Variants in ASTN2 observed in about 807,000 individuals in gnomAD.
ASTN2 encodes astrotactin-2.
A neutral mutation model predicts 139.8 loss-of-function variants in ASTN2; 54 were observed. The ratio of observed to expected loss-of-function variants is 0.39; its 90% CI spans 0.31 to 0.48. The LOEUF is 0.48. ASTN2 is among the 20% of genes least tolerant of loss of function. The probability of loss-of-function intolerance (pLI) is 0.95; values close to 1 mark genes in which losing one functional copy is unlikely to be tolerated. For synonymous variants in ASTN2, 756 were observed against 719.5 expected (o/e 1.05, Z -0.81); for missense variants, 1,565 against 1,725.1 (o/e 0.91, Z 1.64).
intron 5 of ASTN2, among the ~76,000 whole-genome samples, chr9:117,091,263 T>G (rs1828698459): frequency 6.6e-6 from 1 of 152,192 alleles, no homozygotes; most frequent in South Asian, 2.1e-4. Flanking sequence ...CTTTCAAACA[T>G]TCACTCATCA....
chr9:117,252,472 C>T (rs932227811), intron 2 of ASTN2, among the ~76,000 whole-genome samples: 14 of 152,298 alleles, frequency 9.2e-5, no homozygotes, highest in African/African-American at 2.6e-4. Context: ...GTGCCAGACA[C>T]GCACTACCAC....
chr9:117,166,904 C>T (rs1167389178), intron 3 of ASTN2, among the ~76,000 whole-genome samples: 1 of 152,080 alleles, frequency 6.6e-6, no homozygotes, highest in Non-Finnish European at 1.5e-5. Flanking sequence ...TCAGTTTCCT[C>T]AAAGGGATAA....
At chr9:116,728,354 G>T (rs183445274) in intron 15 of ASTN2, among the ~76,000 whole-genome samples, 1 of 151,924 alleles carries the variant, frequency 6.6e-6, no homozygotes, top group South Asian at 2.1e-4. Flanking sequence ...AACGGGGGAG[G>T]CATCACAGAG....
At chr9:116,464,463 T>C (rs1265475746) in intron 20 of ASTN2, among the ~76,000 whole-genome samples, 2 of 152,214 alleles carry the variant, frequency 1.3e-5, no homozygotes, top group Non-Finnish European at 2.9e-5. Context: ...CCTGGAATCA[T>C]TGTAAAATAC....
At chr9:117,267,668 T>C (rs1405787852) in intron 2 of ASTN2, among the ~76,000 whole-genome samples, 1 of 152,170 alleles carries the variant, frequency 6.6e-6, no homozygotes, top group East Asian at 1.9e-4. Context: ...CTCCTCCCAA[T>C]GGTGTGGTTA....
At chr9:116,827,604 T>A (rs1169530593) in intron 11 of ASTN2, among the ~76,000 whole-genome samples, 1 of 152,142 alleles carries the variant, frequency 6.6e-6, no homozygotes, top group Non-Finnish European at 1.5e-5. Context: ...TTATGAAGAC[T>A]ATTATGTTCA....
At position 117,259,313 on chromosome 9, in the gene ASTN2, T is replaced by C. The variant is rs533709204; in HGVS notation, c.630+32013A>G. On this transcript the variant is annotated intron_variant, in intron 2 of 22. Coordinates refer to ENST00000313400, the MANE Select transcript of ASTN2 (RefSeq NM_001365068.1). ...ACCAATGTATAAGCCAAAAATAAAA[T>C]TCTAAGGCCCCCCTCAACCATCTGA... 7.5e-4 allele frequency among the ~76,000 whole-genome samples: 114 copies of C among 152,216 alleles called. 2 individuals are homozygous for C. The East Asian group carries it at 0.021, about 28-fold the overall frequency.
intron 3 of ASTN2, among the ~76,000 whole-genome samples, chr9:117,189,791 G>A (rs1046697250): frequency 6.6e-6 from 1 of 152,148 alleles, no homozygotes; most frequent in African/African-American, 2.4e-5. Context: ...TCTGCTGCCA[G>A]CCTCTGCCTG....
intron 6 of ASTN2, among the ~76,000 whole-genome samples, chr9:117,021,919 G>T (rs1837895090): frequency 6.6e-6 from 1 of 152,128 alleles, no homozygotes; most frequent in Non-Finnish European, 1.5e-5. Flanking sequence ...ATATTTGATA[G>T]TTCTACTGTG....
intron 19 of ASTN2, among the ~76,000 whole-genome samples, chr9:116,526,064 C>T (rs1208956922): frequency 6.6e-6 from 1 of 152,160 alleles, no homozygotes; most frequent in Admixed American, 6.6e-5. Context: ...GCCATCTTCT[C>T]TAGGAAGACC....
chr9:116,939,890 C>T (rs1217023079), intron 10 of ASTN2, among the ~76,000 whole-genome samples: 1 of 152,184 alleles, frequency 6.6e-6, no homozygotes, highest in Non-Finnish European at 1.5e-5. Flanking sequence ...GACAACAGAG[C>T]TGAAAAATTC....
At chr9:116,801,274 A>G (rs960594092) in intron 13 of ASTN2, among the ~76,000 whole-genome samples, 1 of 152,164 alleles carries the variant, frequency 6.6e-6, no homozygotes, top group Non-Finnish European at 1.5e-5. Context: ...GAGCTCAGGA[A>G]GGGAGACTTG....
intron 16 of ASTN2, chr9:116,687,209 C>G (rs537592373): frequency 9.9e-7 from 1 of 1,008,488 alleles, no homozygotes; most frequent in Admixed American, 5.2e-5. Context: ...TTGCCCCGCG[C>G]GCTTGGGGCC....
chr9:116,808,320 T>C (rs559965357), intron 12 of ASTN2, among the ~76,000 whole-genome samples: 4 of 151,992 alleles, frequency 2.6e-5, no homozygotes, highest in African/African-American at 4.8e-5. Context: ...TGTGTTTGTG[T>C]ATACAGAAAC....
intron 3 of ASTN2, among the ~76,000 whole-genome samples, chr9:117,177,826 A>T (rs960970003): frequency 2.0e-5 from 3 of 152,066 alleles, no homozygotes; most frequent in Non-Finnish European, 4.4e-5. Flanking sequence ...GTGGCCTCTA[A>T]TCCTCCATGC....
In ASTN2 at chr9:117,325,961, G is replaced by A. The variant is rs1397916858; in HGVS notation, c.443-34448C>T. Among the ~76,000 whole-genome samples, 5 of 152,200 alleles carry A rather than the reference G, an allele frequency of 3.3e-5. No individual in the cohort carries two copies. In the East Asian group the frequency reaches 9.7e-4, roughly 30 times the overall value. ...ACATGCCTGATGACAAATGACAACT[G>A]ACACTTGGCCTTAGGGAGTTACCCT... On this transcript the variant is annotated intron_variant, in intron 1 of 22. Transcript: ENST00000313400.
At chr9:116,558,697 T>C (rs1852757272) in intron 19 of ASTN2, among the ~76,000 whole-genome samples, 1 of 152,200 alleles carries the variant, frequency 6.6e-6, no homozygotes, top group African/African-American at 2.4e-5. Flanking sequence ...TCTCAGACCA[T>C]TCAGCTCATC....
chr9:117,140,399 A>G (rs1174689332), intron 4 of ASTN2, among the ~76,000 whole-genome samples: 1 of 152,154 alleles, frequency 6.6e-6, no homozygotes, highest in Admixed American at 6.6e-5. Flanking sequence ...GTGAGAGGCA[A>G]GAAGAGGAGA....
In ASTN2 at chr9:116,699,214, G is replaced by A. The variant is rs376113966; in HGVS notation, c.2806+26557C>T. ...TTTGTAGTAACCGATGTGGAAGGTG[G>A]AAAGCTTTGGTGTTTCACAGTTGAT... is the stretch of plus-strand genomic sequence containing the variant. On this transcript the variant is annotated intron_variant, in intron 16 of 22. Transcript: ENST00000313400. This position sits in a 1 kb window ranked among gnomAD's most constrained non-coding sequence, Gnocchi z 4.2. 3.7e-6 allele frequency: 6 copies of A among 1,614,224 alleles called. No individual in the cohort carries two copies. Among genetic ancestry groups the A allele is most frequent in the Non-Finnish European group, 5.1e-6 (6 of 1,180,048 alleles).
Sources: allele counts gnomAD v4.1 joint callset (sites outside exome capture counted in the v4.1 genomes callset), GRCh38; gene constraint gnomAD v4.1.1; non-coding constraint Gnocchi (gnomAD v3.1); transcripts MANE v1.5; gene names NCBI Gene and HGNC (gene_info 2026-07-23, HGNC 2026-07-21).